The following STYK1 variants were observed in gnomAD, a reference collection of about 807,000 sequenced individuals.
STYK1 encodes STY kinase 1.
Under a neutral mutation model 48.1 loss-of-function variants are expected in STYK1, and 46 were observed. The observed-to-expected ratio is 0.96, with a 90% confidence interval of 0.75 to 1.22. The LOEUF is 1.22. STYK1 is among the 50% of genes most tolerant of loss of function. STYK1 has a pLI of 0.00. For missense variants in STYK1, 527 were observed against 521.1 expected (o/e 1.01, Z -0.11); for synonymous variants, 188 against 189.0 (o/e 0.99, Z 0.04).
chr12:10,651,726 T>C (rs1296451852), intron 1 of STYK1, among the ~76,000 whole-genome samples: 1 of 152,228 alleles, frequency 6.6e-6, no homozygotes, highest in African/African-American at 2.4e-5. Flanking sequence ...CACTCGCATT[T>C]CTGTATATTC....
At chr12:10,668,273 A>C (rs987233668) in intron 1 of STYK1, among the ~76,000 whole-genome samples, 1 of 152,130 alleles carries the variant, frequency 6.6e-6, no homozygotes, top group African/African-American at 2.4e-5. Context: ...CCAGAGCTTA[A>C]AACGGATTTC....
intron 7 of STYK1, 74 bp downstream of exon 7, chr12:10,627,567 T>C (rs1367779417): frequency 1.2e-5 from 16 of 1,336,566 alleles, no homozygotes; most frequent in Non-Finnish European, 1.6e-5. Flanking sequence ...AATATTAATA[T>C]GAGAAATATG....
At chr12:10,635,449 T>C (rs573595947) in intron 2 of STYK1, among the ~76,000 whole-genome samples, 14 of 152,330 alleles carry the variant, frequency 9.2e-5, no homozygotes, top group Admixed American at 3.3e-4. Context: ...AAAAACTATT[T>C]AATTCCTCAT....
intron 1 of STYK1, among the ~76,000 whole-genome samples, chr12:10,641,148 A>C (rs1947538606): frequency 6.6e-6 from 1 of 152,150 alleles, no homozygotes; most frequent in Non-Finnish European, 1.5e-5. Context: ...TCCCCAGCTC[A>C]GAATAAGGGC....
intron 1 of STYK1, among the ~76,000 whole-genome samples, chr12:10,649,357 A>T (rs1169895840): frequency 6.6e-6 from 1 of 152,228 alleles, no homozygotes; most frequent in Non-Finnish European, 1.5e-5. Context: ...GGGATGTTTC[A>T]AATTATTTTT....
chr12:10,655,517 T>C (rs910792226), intron 1 of STYK1, among the ~76,000 whole-genome samples: 2 of 152,234 alleles, frequency 1.3e-5, no homozygotes, highest in Non-Finnish European at 2.9e-5. Flanking sequence ...AATTTCTGGT[T>C]TAGGGAATGA....
At chr12:10,650,869 G>T (rs184083789) in intron 1 of STYK1, among the ~76,000 whole-genome samples, 257 of 152,154 alleles carry the variant, frequency 1.7e-3, no homozygotes, top group African/African-American at 5.8e-3. Context: ...GCCGGGCGTG[G>T]TGGCACACAC....
chr12:10,635,493 A>G (rs1367353265), intron 2 of STYK1, among the ~76,000 whole-genome samples: 1 of 152,212 alleles, frequency 6.6e-6, no homozygotes, highest in Admixed American at 6.5e-5. Context: ...CTCTGCTCAT[A>G]TCAGATATAG....
At chr12:10,647,946 T>C (rs1947618953) in intron 1 of STYK1, among the ~76,000 whole-genome samples, 2 of 152,204 alleles carry the variant, frequency 1.3e-5, no homozygotes, top group East Asian at 1.9e-4. Context: ...GAACTGTAAG[T>C]CCATTAAACC....
At chr12:10,658,610 T>C (rs1353753146) in intron 1 of STYK1, among the ~76,000 whole-genome samples, 1 of 152,164 alleles carries the variant, frequency 6.6e-6, no homozygotes, top group Non-Finnish European at 1.5e-5. Context: ...ATTATGTCTT[T>C]TTCTGACCTA....
chr12:10,645,677 A>G (rs912112524), intron 1 of STYK1, among the ~76,000 whole-genome samples: 7 of 152,246 alleles, frequency 4.6e-5, no homozygotes, highest in Admixed American at 4.6e-4. Context: ...CTCAAACCAG[A>G]GAGCACATTA....
chr12:10,622,624 G>C lies in STYK1; in HGVS notation c.967+14C>G, dbSNP rs1865925409. Reference sequence around the variant, plus strand: ...TTGCATACAGGTACACACTATTTTGGGGCTCATCCTTACCTAGAGTCACCA... The same window carrying C: ...TTGCATACAGGTACACACTATTTTGCGGCTCATCCTTACCTAGAGTCACCA... On this transcript the variant is annotated intron_variant, in intron 9 of 10. Transcript: ENST00000075503. 6.8e-6 allele frequency: 11 copies of C among 1,613,782 alleles called. No homozygotes were observed. The highest frequency in any genetic ancestry group is 9.3e-6 in the Non-Finnish European group (11 of 1,179,856).
rs1454585521 is a variant in STYK1 at position 10,673,715 on chromosome 12, T to C, written c.-195+251A>G. 2.6e-5 allele frequency: 4 copies of C among 152,232 alleles called. No homozygotes were observed. In the East Asian group the frequency reaches 5.8e-4, roughly 22 times the overall value. The allele number at this position is 152,232 out of a possible 1,614,324, so 9.4% of individuals were successfully genotyped here. On this transcript the variant is annotated intron_variant, in intron 1 of 10. Transcript: ENST00000075503. The stretch of plus-strand genomic sequence containing the variant: ...ATGTTTCTCTCTGCACCAAATCTGC[T>C]GAGTCAGGTTTACTCCCTTATCATA...
intron 1 of STYK1, among the ~76,000 whole-genome samples, chr12:10,662,175 T>C (rs1423228682): frequency 6.6e-6 from 1 of 152,246 alleles, no homozygotes; most frequent in Non-Finnish European, 1.5e-5. Context: ...GGATTATCCA[T>C]GTTGTAGCAT....
chr12:10,658,537 G>A (rs1462852601), intron 1 of STYK1, among the ~76,000 whole-genome samples: 1 of 152,128 alleles, frequency 6.6e-6, no homozygotes, highest in Non-Finnish European at 1.5e-5. Context: ...GAGATTCTAT[G>A]TTTCTAATAA....
intron 1 of STYK1, among the ~76,000 whole-genome samples, chr12:10,660,176 T>C (rs1054011975): frequency 1.1e-4 from 17 of 152,252 alleles, no homozygotes; most frequent in Non-Finnish European, 2.2e-4. Flanking sequence ...TTGCAGAATA[T>C]ATTGCTTTGT....
chr12:10,669,370 G>GA (rs1321339629), intron 1 of STYK1, among the ~76,000 whole-genome samples: 1 of 151,958 alleles, frequency 6.6e-6, no homozygotes, highest in South Asian at 2.1e-4. Flanking sequence ...TTTTTCTTCA[G>GA]AAAAAAGATT....
At chr12:10,631,365 C>T in intron 4 of STYK1, 57 bp from the exon 5 acceptor site, 1 of 1,586,800 alleles carries the variant, frequency 6.3e-7, no homozygotes, top group Non-Finnish European at 8.6e-7. Flanking sequence ...TCCCGGAAAG[C>T]AGACCCTGAA....
chr12:10,645,186 T>C (rs1947585817), intron 1 of STYK1, among the ~76,000 whole-genome samples: 1 of 152,070 alleles, frequency 6.6e-6, no homozygotes. Context: ...AAACAATAAG[T>C]AGCAGATACA....
Sources: allele counts gnomAD v4.1 joint callset (sites outside exome capture counted in the v4.1 genomes callset), GRCh38; gene constraint gnomAD v4.1.1; transcripts MANE v1.5; gene names NCBI Gene and HGNC (gene_info 2026-07-23, HGNC 2026-07-21).